The following NUP37 variants were observed in gnomAD, a reference collection of about 807,000 sequenced individuals.
NUP37 encodes the protein nucleoporin Nup37.
A neutral mutation model predicts 45.4 loss-of-function variants in NUP37; 33 were observed. The observed-to-expected ratio is 0.73, with a 90% CI of 0.55 to 0.97. The LOEUF is 0.97. Among genes scored for constraint, NUP37 ranks in the 50% least tolerant of loss-of-function variants. The pLI is 0.00. For missense variants in NUP37, 365 were observed against 389.7 expected, an observed-to-expected ratio of 0.94 and a Z score of 0.53; for synonymous variants, 127 against 130.7, an observed-to-expected ratio of 0.97 and a Z score of 0.19.
chr12:102,096,860 G>A lies in NUP37; in HGVS notation c.449+2246C>T, dbSNP rs573454486. Among the ~76,000 whole-genome samples the A allele has an allele frequency of 5.9e-5, 9 of 152,166 alleles. No individual in the cohort carries two copies. The East Asian group carries it at 1.7e-3, about 29-fold the overall frequency. ...CTATATTGCTTAGGTTTTGGCCTAAGAGGTTTGGCTTTAATAACCAATCAG... is the reference window on the plus strand; with the variant it reads ...CTATATTGCTTAGGTTTTGGCCTAAAAGGTTTGGCTTTAATAACCAATCAG... On this transcript the variant is annotated intron_variant, in intron 5 of 9. Transcript: ENST00000552283.
chr12:102,104,054 T>C (rs531962844), intron 3 of NUP37, among the ~76,000 whole-genome samples: 2 of 152,348 alleles, frequency 1.3e-5, no homozygotes, highest in African/African-American at 4.8e-5. Flanking sequence ...ATGTTTTTCA[T>C]AGCAGCTGCA....
At chr12:102,088,063 T>C (rs1455248543) in intron 5 of NUP37, among the ~76,000 whole-genome samples, 5 of 152,198 alleles carry the variant, frequency 3.3e-5, no homozygotes, top group African/African-American at 1.2e-4. Flanking sequence ...TAAAATGATT[T>C]ATGGTTTATA....
At chr12:102,117,542 T>C (rs1880500417) in intron 2 of NUP37, among the ~76,000 whole-genome samples, 1 of 152,220 alleles carries the variant, frequency 6.6e-6, no homozygotes, top group African/African-American at 2.4e-5. Context: ...CTCTTACATG[T>C]AAAACTAGCT....
At chr12:102,099,303 C>T (rs1367753522) in intron 4 of NUP37, 103 bp from the exon 5 acceptor site, 1 of 737,436 alleles carries the variant, frequency 1.4e-6, no homozygotes, top group Non-Finnish European at 2.3e-6. Flanking sequence ...CTTTCACTGC[C>T]TGTTTTTCTA....
Position 102,073,782 on chromosome 12 carries a change from T to TAC in NUP37, c.*571_*572insGT, listed in dbSNP as rs1879094023. ...TCACTGTAACCTCTGCCTTCCAGGTTCAAGTGATTCTCCTGCCTCAGTCTT... is the reference window on the plus strand; with the variant it reads ...TCACTGTAACCTCTGCCTTCCAGGTTACCAAGTGATTCTCCTGCCTCAGTCTT... On this transcript the variant is annotated 3_prime_UTR_variant, in exon 10 of 10. Coordinates refer to ENST00000552283, the MANE Select transcript of NUP37 (RefSeq NM_024057.4). 6.6e-6 allele frequency: 1 copy of TAC among 152,220 alleles called. No individual in the cohort carries two copies. The highest frequency in any genetic ancestry group is 1.9e-4 in the East Asian group (1 of 5,202). The allele number at this position is 152,220 out of a possible 1,614,324, so 9.4% of individuals were successfully genotyped here. A position where few individuals can be genotyped will look rare whatever the true frequency, so the allele number is the denominator to read the frequency against.
At chr12:102,091,668 A>G (rs187301255) in intron 5 of NUP37, among the ~76,000 whole-genome samples, 57 of 152,240 alleles carry the variant, frequency 3.7e-4, no homozygotes, top group African/African-American at 1.4e-3. Flanking sequence ...AGGTGCCAAT[A>G]CAGACCAAAT....
intron 2 of NUP37, among the ~76,000 whole-genome samples, chr12:102,112,568 G>A (rs1295940405): frequency 2.6e-5 from 4 of 152,124 alleles, no homozygotes; most frequent in Admixed American, 6.6e-5. Flanking sequence ...GGGCTGAGGT[G>A]GAAGGATTGC....
At position 102,118,531 on chromosome 12, in the gene NUP37, A is replaced by C. The variant is rs1465808810; in HGVS notation, c.-13T>G. ...CATCTTGCTTCATCTTGTATGTCAA[A>C]ATTCAAGCAGTTGTGAAAATTAAAT... On this transcript the variant is annotated 5_prime_UTR_variant, in exon 2 of 10. The change creates a new upstream start codon in the 5' untranslated region. Transcript: ENST00000552283. 6.2e-7 allele frequency: 1 copy of C among 1,603,700 alleles called. No homozygotes were observed. Among genetic ancestry groups the C allele is most frequent in the Non-Finnish European group, 8.5e-7 (1 of 1,176,778 alleles).
At chr12:102,102,533 A>C (rs1880002611) in intron 3 of NUP37, among the ~76,000 whole-genome samples, 1 of 152,118 alleles carries the variant, frequency 6.6e-6, no homozygotes, top group African/African-American at 2.4e-5. Flanking sequence ...ATGATTTGCA[A>C]ATATTTTCTC....
intron 5 of NUP37, among the ~76,000 whole-genome samples, chr12:102,094,789 C>A (rs931900306): frequency 1.3e-5 from 2 of 151,934 alleles, no homozygotes; most frequent in Non-Finnish European, 2.9e-5. Flanking sequence ...AAAAAATGAT[C>A]CCAGTTAGAA....
At chr12:102,102,759 A>G (rs925468046) in intron 3 of NUP37, among the ~76,000 whole-genome samples, 1 of 152,158 alleles carries the variant, frequency 6.6e-6, no homozygotes, top group Non-Finnish European at 1.5e-5. Context: ...CTTTAATCCA[A>G]TTTCAGTTGA....
At chr12:102,109,382 T>C (rs545765443) in intron 3 of NUP37, among the ~76,000 whole-genome samples, 5 of 152,124 alleles carry the variant, frequency 3.3e-5, no homozygotes, top group African/African-American at 4.8e-5. Flanking sequence ...TAGACTACTA[T>C]TTATTTTAGA....
At chr12:102,111,029 AAAAT>A (rs1880300042) in intron 3 of NUP37, among the ~76,000 whole-genome samples, 1 of 152,358 alleles carries the variant, frequency 6.6e-6, no homozygotes, top group Admixed American at 6.5e-5. Flanking sequence ...TATTCAGCAA[AAAAT>A]AATAACTAAA....
rs928214131 is a variant in NUP37, at chr12:102,093,774, CTG to C, written c.449+5330_449+5331del. On this transcript the variant is annotated intron_variant, in intron 5 of 9. Transcript: ENST00000552283. ...TCAATGGTCTTTCAAAATCTGGAAACTGTTTATGGATATGATTCCCATTTTAT... is the reference window on the plus strand; with the variant it reads ...TCAATGGTCTTTCAAAATCTGGAAACTTTATGGATATGATTCCCATTTTAT... Among the ~76,000 whole-genome samples the C allele has an allele frequency of 9.8e-4, 149 of 152,168 alleles. 1 individual carries two copies. Among genetic ancestry groups the C allele is most frequent in the African/African-American group, 3.6e-3 (148 of 41,552 alleles).
Position 102,074,063 on chromosome 12 carries a change from T to C in NUP37, c.*291A>G. 1 of 176,472 alleles carries C rather than the reference T, an allele frequency of 5.7e-6. No homozygotes were observed. Among genetic ancestry groups the C allele is most frequent in the Non-Finnish European group, 1.2e-5 (1 of 84,414 alleles). The allele number at this position is 176,472 out of a possible 1,614,324, so 10.9% of individuals were successfully genotyped here. On this transcript the variant is annotated 3_prime_UTR_variant, in exon 10 of 10. Transcript: ENST00000552283. ...AGGATACACTTCAAATACTCCTTTT[T>C]TGATAAACTCAAAAGCATTATTTTT...
intron 5 of NUP37, among the ~76,000 whole-genome samples, chr12:102,089,622 G>A (rs1286610120): frequency 2.1e-5 from 3 of 140,238 alleles, no homozygotes; most frequent in African/African-American, 5.4e-5. Flanking sequence ...GGGCAGAGGC[G>A]CTCCTCACAT....
At chr12:102,088,037 T>A (rs1029636320) in intron 5 of NUP37, among the ~76,000 whole-genome samples, 1 of 152,150 alleles carries the variant, frequency 6.6e-6, no homozygotes, top group African/African-American at 2.4e-5. Flanking sequence ...CCAGATTAGT[T>A]TTCAAGGGAT....
At chr12:102,096,509 T>C (rs551442656) in intron 5 of NUP37, among the ~76,000 whole-genome samples, 1 of 152,308 alleles carries the variant, frequency 6.6e-6, no homozygotes, top group East Asian at 1.9e-4. Flanking sequence ...GATTATAATA[T>C]AGTGTCTTTC....
rs531504699 is a variant in NUP37 at position 102,114,822 on chromosome 12, G to C, written c.157-2590C>G. 2.0e-5 allele frequency among the ~76,000 whole-genome samples: 3 copies of C among 152,284 alleles called. No individual in the cohort carries two copies. The East Asian group carries it at 5.8e-4, about 29-fold the overall frequency. ...TGACAGGGAACTAGCTATTTCTTTG[G>C]GAAGTTTATTCAATTGGGGGATAGC... On this transcript the variant is annotated intron_variant, in intron 2 of 9. Transcript: ENST00000552283.
Sources: allele counts gnomAD v4.1 joint callset (sites outside exome capture counted in the v4.1 genomes callset), GRCh38; gene constraint gnomAD v4.1.1; transcripts MANE v1.5; gene names NCBI Gene and HGNC (gene_info 2026-07-23, HGNC 2026-07-21).